The following PER2 variants were observed in gnomAD, a reference collection of about 807,000 sequenced individuals.
The protein encoded by PER2 is period circadian protein homolog 2.
In PER2, 66 loss-of-function variants were observed where a neutral mutation model predicts 121.0. The ratio of observed to expected loss-of-function variants is 0.55; its 90% CI spans 0.45 to 0.67. The LOEUF (loss-of-function observed/expected upper bound fraction) is 0.67, where lower values mean the gene tolerates loss of function less well. Ranked by LOEUF, PER2 falls within the 30% of genes least tolerant of loss-of-function variation. The pLI, the probability that PER2 is intolerant of heterozygous loss-of-function variation, is 0.00. For missense variants in PER2, 1,521 were observed against 1,635.0 expected (o/e 0.93, Z 1.20); for synonymous variants, 684 against 659.9 (o/e 1.04, Z -0.56).
At chr2:238,250,876 G>A (rs575654916) in intron 20 of PER2, 133 bp from the exon 21 acceptor site, 6 of 683,716 alleles carry the variant, frequency 8.8e-6, no homozygotes, top group Admixed American at 2.1e-5. Context: ...CTATGCCGGT[G>A]CATGTTCCCC....
At chr2:238,270,811 C>T (rs896952051) in intron 6 of PER2, among the ~76,000 whole-genome samples, 6 of 152,246 alleles carry the variant, frequency 3.9e-5, no homozygotes, top group African/African-American at 7.2e-5. Context: ...ACTTGGCCTG[C>T]AGTGCCTCGG....
rs1205219528 is a variant in PER2 at position 238,284,169 on chromosome 2, C to T, written c.-20+4180G>A. 5.9e-5 allele frequency among the ~76,000 whole-genome samples: 9 copies of T among 152,102 alleles called. No homozygotes were observed. The South Asian group carries it at 1.2e-3, about 21-fold the overall frequency. ...TACAGAAAAACAGACGGCGGCTGGG[C>T]GCGGTGGCTCACACCTGTAATCCCA... is the stretch of plus-strand genomic sequence containing the variant. On this transcript the variant is annotated intron_variant, in intron 1 of 22. Coordinates refer to ENST00000254657, the MANE Select transcript of PER2 (RefSeq NM_022817.3).
chr2:238,286,408 C>T (rs925454218), intron 1 of PER2, among the ~76,000 whole-genome samples: 1 of 152,088 alleles, frequency 6.6e-6, no homozygotes, highest in African/African-American at 2.4e-5. Flanking sequence ...TCATTTACTG[C>T]TTCTAATTTG....
At chr2:238,279,873 G>A (rs1302626411) in intron 1 of PER2, among the ~76,000 whole-genome samples, 1 of 152,192 alleles carries the variant, frequency 6.6e-6, no homozygotes, top group Non-Finnish European at 1.5e-5. Flanking sequence ...AGCATGAAGA[G>A]TGCACTGGAG....
intron 1 of PER2, among the ~76,000 whole-genome samples, chr2:238,282,669 C>T (rs1157409646): frequency 6.6e-6 from 1 of 152,262 alleles, no homozygotes; most frequent in Non-Finnish European, 1.5e-5. Flanking sequence ...CTGACTTGCC[C>T]TTATTCGCTT....
At chr2:238,283,846 C>T (rs1696702241) in intron 1 of PER2, among the ~76,000 whole-genome samples, 1 of 152,200 alleles carries the variant, frequency 6.6e-6, no homozygotes, top group African/African-American at 2.4e-5. Context: ...CATCTCATCC[C>T]CACAGCCCTC....
intron 9 of PER2, 28 bp from the exon 10 acceptor site, chr2:238,263,086 A>G: frequency 7.6e-7 from 1 of 1,314,656 alleles, no homozygotes; most frequent in Non-Finnish European, 1.1e-6. Context: ...ACACGCTAGG[A>G]TTGGCATCCA....
Position 238,252,548 on chromosome 2 carries a change from G to T in PER2, c.3111+364C>A, listed in dbSNP as rs746583016. Among the ~76,000 whole-genome samples the T allele has an allele frequency of 1.3e-5, 2 of 152,184 alleles. No individual in the cohort carries two copies. Among genetic ancestry groups the T allele is most frequent in the Admixed American group, 6.5e-5 (1 of 15,280 alleles). ...ACCGGGGCCACCTGAGCCAGGCTCC[G>T]GCGCCACACCCTGAGGAGCCCTAGC... is the stretch of plus-strand genomic sequence containing the variant. On this transcript the variant is annotated intron_variant, in intron 19 of 22. Coordinates refer to ENST00000254657, the MANE Select transcript of PER2 (RefSeq NM_022817.3). This position sits in a 1 kb window ranked among gnomAD's most constrained non-coding sequence, Gnocchi z 4.2.
At position 238,275,685 on chromosome 2, in the gene PER2, TG is replaced by T. The variant is rs533355064; in HGVS notation, c.448+57del. The stretch of plus-strand genomic sequence containing the variant: ...AGTCAACACAATCCAAGCTATAATT[TG>T]GGGGGATTTAAAACATATTTCTATA... On this transcript the variant is annotated intron_variant, in intron 4 of 22. Coordinates refer to ENST00000254657, the MANE Select transcript of PER2 (RefSeq NM_022817.3). 2.8e-4 allele frequency: 436 copies of T among 1,545,996 alleles called. 3 individuals carry two copies. In the African/African-American group the frequency reaches 5.1e-3, roughly 18 times the overall value.
intron 16 of PER2, among the ~76,000 whole-genome samples, chr2:238,257,910 G>A (rs144103617): frequency 2.9e-4 from 44 of 152,384 alleles, no homozygotes; most frequent in Middle Eastern, 3.4e-3. Flanking sequence ...CTGGAAAGAG[G>A]GCCTGCCCTA....
rs202088925 is a variant in PER2, at chr2:238,268,193, C to T, written c.830G>A (p.Arg277Gln). Residue 277 changes from arginine (R) to glutamine (Q), a missense_variant, in exon 8 of 23, where the codon CGG becomes CAG. By Grantham distance (43) the Arg-to-Gln change is conservative. Transcript: ENST00000254657. The surrounding 1 kb of genome is among the most constrained non-coding windows in gnomAD (Gnocchi z 4.0). ...GCGGATTTCATTCTCGTGGCTTTTCCGGACACTGCGGAGAAGAGCCACGCT... is the reference window on the plus strand; with the variant it reads ...GCGGATTTCATTCTCGTGGCTTTTCTGGACACTGCGGAGAAGAGCCACGCT... ...EKSFFCRVSV[R>Q]KSHENEIRYH... 6.4e-5 allele frequency: 104 copies of T among 1,613,710 alleles called. No homozygotes were observed. Among genetic ancestry groups the T allele is most frequent in the East Asian group, 8.9e-5 (4 of 44,884 alleles).
At chr2:238,257,490 T>C (rs1235809961) in intron 16 of PER2, among the ~76,000 whole-genome samples, 1 of 152,216 alleles carries the variant, frequency 6.6e-6, no homozygotes, top group Admixed American at 6.5e-5. Context: ...TTTTTCTTTT[T>C]TGAGATGGAG....
chr2:238,245,270 A>C lies in PER2; in HGVS notation c.*1105T>G, dbSNP rs377518375. 2.4e-4 allele frequency: 72 copies of C among 296,728 alleles called. 2 individuals carry two copies. In the South Asian group the frequency reaches 0.011, roughly 47 times the overall value. The allele number at this position is 296,728 out of a possible 1,614,324, so 18.4% of individuals were successfully genotyped here. On this transcript the variant is annotated 3_prime_UTR_variant, in exon 23 of 23. Coordinates refer to ENST00000254657, the MANE Select transcript of PER2 (RefSeq NM_022817.3). ...TCCCCAAGTGTCCAAATGACCTAAA[A>C]GTGCTGGGGACACTGGCAGAGGCCT...
chr2:238,265,903 G>C (rs1024415512), intron 8 of PER2, among the ~76,000 whole-genome samples: 2 of 150,284 alleles, frequency 1.3e-5, no homozygotes, highest in Non-Finnish European at 3.0e-5. Context: ...CCATCTTTAC[G>C]ATTTTTTTTT....
intron 4 of PER2, among the ~76,000 whole-genome samples, chr2:238,274,749 G>A (rs1005376411): frequency 6.6e-6 from 1 of 152,146 alleles, no homozygotes; most frequent in African/African-American, 2.4e-5. Flanking sequence ...ATTTCCATGC[G>A]GTATCTTTAG....
chr2:238,296,894 T>G, the PER2 span, among the ~76,000 whole-genome samples: 3 of 152,340 alleles, frequency 2.0e-5, no homozygotes, highest in Non-Finnish European at 4.4e-5. Flanking sequence ...AGAGAATCCC[T>G]GCCAGCACCA....
At chr2:238,282,020 C>T (rs890470566) in intron 1 of PER2, among the ~76,000 whole-genome samples, 1 of 152,144 alleles carries the variant, frequency 6.6e-6, no homozygotes, top group Non-Finnish European at 1.5e-5. Context: ...CCTGGCCCTG[C>T]TATGGTTAAC....
rs1451807612 is a variant in PER2 at position 238,245,861 on chromosome 2, C to G, written c.*514G>C. ...TAATGTGAAACGTTTTGAAATAAAA[C>G]TAGGAGAGGCTGCTATCTCCATTTG... is the stretch of plus-strand genomic sequence containing the variant. On this transcript the variant is annotated 3_prime_UTR_variant, in exon 23 of 23. Transcript: ENST00000254657. 2 of 389,582 alleles carry G rather than the reference C, an allele frequency of 5.1e-6. No homozygotes were observed. The highest frequency in any genetic ancestry group is 9.0e-6 in the Non-Finnish European group (2 of 221,106). 24.1% of individuals were successfully genotyped at this position (389,582 alleles called of 1,614,324 possible).
rs1280745039 is a variant in PER2 at position 238,258,520 on chromosome 2, G to A, written c.1752C>T (p.Ile584=). 2.8e-5 allele frequency: 46 copies of A among 1,614,114 alleles called. No individual in the cohort carries two copies. Among genetic ancestry groups the A allele is most frequent in the African/African-American group, 4.0e-5 (3 of 74,944 alleles). ...KNQPTCSYQQ[I]SCLDSVIRYL... ...ACCTGATGACGCTGTCCAAGCAGCT[G>A]ATCTGCTGGTAGGAGCAGGTGGGCT... Residue 584 remains isoleucine, a synonymous_variant, in exon 15 of 23, where the codon ATC becomes ATT. Transcript: ENST00000254657.
Sources: gnomAD v4.1 joint callset for allele counts (sites outside exome capture counted in the v4.1 genomes callset) on GRCh38, gnomAD v4.1.1 for gene constraint, Gnocchi (gnomAD v3.1) non-coding constraint, MANE v1.5 for transcripts, NCBI Gene and HGNC (gene_info 2026-07-23, HGNC 2026-07-21) for gene names.